MAN1A1: variants seen among roughly 807,000 people sequenced by gnomAD.
The protein encoded by MAN1A1 is mannosyl-oligosaccharide 1,2-alpha-mannosidase IA.
Under a neutral mutation model 70.8 loss-of-function variants are expected in MAN1A1, and 29 were observed. The ratio of observed to expected loss-of-function variants is 0.41; its 90% CI spans 0.31 to 0.56. The LOEUF (loss-of-function observed/expected upper bound fraction) is 0.56. Ranked by LOEUF, MAN1A1 falls within the 20% of genes least tolerant of loss-of-function variation. MAN1A1 has a pLI of 0.29. For synonymous variants in MAN1A1, 349 were observed against 330.1 expected (o/e 1.06, Z -0.62); for missense variants, 747 against 841.3 (o/e 0.89, Z 1.39).
chr6:119,307,810 T>C (rs1471498320), intron 2 of MAN1A1, among the ~76,000 whole-genome samples: 2 of 152,184 alleles, frequency 1.3e-5, no homozygotes, highest in Non-Finnish European at 2.9e-5. Context: ...AATATGGACA[T>C]AATTGAAAAA....
At position 119,177,734 on chromosome 6, in the gene MAN1A1, G is replaced by C. The variant is rs1773043396; in HGVS notation, c.*2085C>G. ...TTGCAAAAACTTCATTGTTGCCACT[G>C]AGAGAGCAACATATAGTACAGCTTC... On this transcript the variant is annotated 3_prime_UTR_variant, in exon 13 of 13. Transcript: ENST00000368468. 6.6e-6 allele frequency: 1 copy of C among 152,012 alleles called. No homozygotes were observed. The highest frequency in any genetic ancestry group is 2.1e-4 in the South Asian group (1 of 4,834). 9.4% of individuals were successfully genotyped at this position (152,012 alleles called of 1,614,324 possible). A position where few individuals can be genotyped will look rare whatever the true frequency, so the allele number is the denominator to read the frequency against.
At chr6:119,195,237 C>G (rs966168071) in intron 8 of MAN1A1, among the ~76,000 whole-genome samples, 2 of 152,148 alleles carry the variant, frequency 1.3e-5, no homozygotes, top group African/African-American at 2.4e-5. Context: ...CCTTTCAATC[C>G]TGTGTGTTTG....
At chr6:119,324,354 T>G (rs926859) in intron 2 of MAN1A1, among the ~76,000 whole-genome samples, 46,844 of 152,104 alleles carry the variant, frequency 0.31, 7,795 homozygotes, top group Non-Finnish European at 0.37. Flanking sequence ...GTTAACTGAC[T>G]GCTTATGTTT....
At chr6:119,194,594 G>T (rs1450798456) in intron 8 of MAN1A1, among the ~76,000 whole-genome samples, 1 of 150,504 alleles carries the variant, frequency 6.6e-6, no homozygotes, top group Admixed American at 6.6e-5. Context: ...ACAGAAGAGG[G>T]ATTACAGGCA....
chr6:119,322,049 T>C (rs1431679528), intron 2 of MAN1A1, among the ~76,000 whole-genome samples: 1 of 152,106 alleles, frequency 6.6e-6, no homozygotes, highest in African/African-American at 2.4e-5. Flanking sequence ...AGAAAGCAAA[T>C]TCCCTAAGAG....
chr6:119,306,852 G>T, intron 3 of MAN1A1, 44 bp downstream of exon 3: 1 of 1,335,208 alleles, frequency 7.5e-7, no homozygotes, highest in South Asian at 1.2e-5. Flanking sequence ...CAAGCAATTG[G>T]GGAGAAGTTA....
intron 8 of MAN1A1, among the ~76,000 whole-genome samples, chr6:119,197,800 TTG>T (rs1773612291): frequency 6.6e-6 from 1 of 150,982 alleles, no homozygotes; most frequent in Non-Finnish European, 1.5e-5. Flanking sequence ...GTTTTGTTTT[TTG>T]TTTTTTTTTT....
At chr6:119,260,112 G>T (rs1428051304) in intron 5 of MAN1A1, among the ~76,000 whole-genome samples, 1 of 152,024 alleles carries the variant, frequency 6.6e-6, no homozygotes, top group Non-Finnish European at 1.5e-5. Context: ...TCTATAGAGG[G>T]TTAGATAGTA....
intron 4 of MAN1A1, among the ~76,000 whole-genome samples, chr6:119,295,320 C>T (rs748103979): frequency 3.3e-5 from 5 of 152,016 alleles, no homozygotes; most frequent in Admixed American, 1.3e-4. Flanking sequence ...TATACGATGA[C>T]GTATTTTAAT....
intron 2 of MAN1A1, among the ~76,000 whole-genome samples, chr6:119,318,569 A>C (rs1418461022): frequency 1.3e-5 from 2 of 152,232 alleles, no homozygotes; most frequent in Admixed American, 6.5e-5. Context: ...GGAAAAATTT[A>C]CATTATGTTT....
At position 119,262,233 on chromosome 6, in the gene MAN1A1, G is replaced by C. The variant is rs567625772; in HGVS notation, c.898-13879C>G. ...TGAACATTTCATTTGCTATAAAATA[G>C]AGTAAAAGTGAGGTACTGTTACTCT... On this transcript the variant is annotated intron_variant, in intron 5 of 12. Coordinates refer to ENST00000368468, the MANE Select transcript of MAN1A1 (RefSeq NM_005907.4). 1.1e-3 allele frequency among the ~76,000 whole-genome samples: 168 copies of C among 152,250 alleles called. 1 individual carries two copies. Among genetic ancestry groups the C allele is most frequent in the Non-Finnish European group, 1.9e-3 (132 of 68,014 alleles).
intron 2 of MAN1A1, among the ~76,000 whole-genome samples, chr6:119,308,286 C>T (rs970610115): frequency 2.0e-5 from 3 of 152,162 alleles, no homozygotes; most frequent in Non-Finnish European, 2.9e-5. Context: ...CATCACCTTC[C>T]TTTAATGAGT....
At chr6:119,253,287 G>T (rs1230535461) in intron 5 of MAN1A1, among the ~76,000 whole-genome samples, 1 of 152,094 alleles carries the variant, frequency 6.6e-6, no homozygotes, top group Non-Finnish European at 1.5e-5. Context: ...CTGAACCCTG[G>T]TGAAACCATT....
chr6:119,298,214 T>C (rs184475188), intron 4 of MAN1A1, among the ~76,000 whole-genome samples: 34 of 152,310 alleles, frequency 2.2e-4, no homozygotes, highest in African/African-American at 7.5e-4. Context: ...CTAATATCTA[T>C]GTGCCTCTAC....
At chr6:119,249,060 GA>G (rs1775246022) in intron 5 of MAN1A1, among the ~76,000 whole-genome samples, 1 of 152,202 alleles carries the variant, frequency 6.6e-6, no homozygotes, top group Non-Finnish European at 1.5e-5. Flanking sequence ...ATGGCATTTA[GA>G]TGAGAACTGT....
chr6:119,279,885 A>G (rs1443648193), intron 5 of MAN1A1, among the ~76,000 whole-genome samples: 2 of 152,218 alleles, frequency 1.3e-5, no homozygotes, highest in African/African-American at 4.8e-5. Flanking sequence ...ACTCTACTGA[A>G]GTACCCTCCA....
chr6:119,276,255 G>T (rs1332591303), intron 5 of MAN1A1, among the ~76,000 whole-genome samples: 1 of 152,032 alleles, frequency 6.6e-6, no homozygotes, highest in East Asian at 1.9e-4. Context: ...TGGTTATATT[G>T]TATTTTCTTC....
At chr6:119,349,365 T>C in intron 1 of MAN1A1, 78 bp from the exon 2 acceptor site, 1 of 1,047,530 alleles carries the variant, frequency 9.5e-7, no homozygotes, top group East Asian at 6.0e-5. Flanking sequence ...CTCCGACTCC[T>C]GGCGAGCCTC....
At chr6:119,237,286 G>A (rs1363512201) in intron 6 of MAN1A1, among the ~76,000 whole-genome samples, 1 of 152,196 alleles carries the variant, frequency 6.6e-6, no homozygotes. Context: ...TGTGGAAAAT[G>A]CCATAAAAGA....
Sources: gnomAD v4.1 joint callset for allele counts (sites outside exome capture counted in the v4.1 genomes callset) on GRCh38, gnomAD v4.1.1 for gene constraint, MANE v1.5 for transcripts, NCBI Gene and HGNC (gene_info 2026-07-23, HGNC 2026-07-21) for gene names.